B9D2: variants seen among roughly 807,000 people sequenced by gnomAD.
B9D2 encodes B9 domain-containing protein 2.
In B9D2, 21 loss-of-function variants were observed where a neutral mutation model predicts 19.2. That is an observed-to-expected ratio of 1.09 (90% confidence interval 0.78 to 1.58). B9D2 has a LOEUF of 1.58. Ranked by LOEUF, B9D2 falls within the 40% of genes most tolerant of loss-of-function variation. The pLI, the probability that B9D2 is intolerant of heterozygous loss-of-function variation, is 0.00. For synonymous variants in B9D2, 91 were observed against 100.6 expected (o/e 0.90, Z 0.57); for missense variants, 221 against 244.3 (o/e 0.90, Z 0.64).
intron 2 of B9D2, among the ~76,000 whole-genome samples, chr19:41,360,495 A>ATTTAT (rs760778539): frequency 1.3e-5 from 2 of 150,694 alleles, no homozygotes; most frequent in Admixed American, 6.6e-5. Flanking sequence ...TTATCTGTTT[A>ATTTAT]TTTATTTTAT....
intron 2 of B9D2, among the ~76,000 whole-genome samples, chr19:41,362,779 C>A (rs2038431941): frequency 6.6e-6 from 1 of 152,174 alleles, no homozygotes; most frequent in African/African-American, 2.4e-5. Context: ...TGCTTCTTAG[C>A]TACTATTAGC....
Position 41,354,738 on chromosome 19 carries a change from G to A in B9D2, c.490C>T (p.Leu164=). 1 of 1,614,024 alleles carries A rather than the reference G, an allele frequency of 6.2e-7. No homozygotes were observed. The highest frequency in any genetic ancestry group is 8.5e-7 in the Non-Finnish European group (1 of 1,180,036). The part of the protein sequence containing the change: ...GGTVHLEIGL[L]LRNFDRYGVE... Reference sequence around the variant, plus strand: ...CCGTAGCGGTCGAAGTTGCGGAGCAGCAGGCCGATCTCCAGGTGCACGGTG... The same window carrying A: ...CCGTAGCGGTCGAAGTTGCGGAGCAACAGGCCGATCTCCAGGTGCACGGTG... The change falls in exon 4 of 4, where the codon CTG becomes TTG. Residue 164 remains leucine, a synonymous_variant. Coordinates refer to ENST00000243578, the MANE Select transcript of B9D2 (RefSeq NM_030578.4).
intron 3 of B9D2, among the ~76,000 whole-genome samples, chr19:41,357,258 G>A (rs537112630): frequency 1.3e-5 from 2 of 152,226 alleles, no homozygotes; most frequent in East Asian, 3.9e-4. Flanking sequence ...AGAGAGGTGT[G>A]TCCCCCCATA....
intron 2 of B9D2, among the ~76,000 whole-genome samples, chr19:41,358,788 T>C (rs1469599785): frequency 6.6e-6 from 1 of 151,596 alleles, no homozygotes; most frequent in African/African-American, 2.4e-5. Context: ...GGTAGATCCC[T>C]TGAGTCCAGG....
Position 41,357,947 on chromosome 19 carries a change from G to C in B9D2, c.164C>G (p.Ala55Gly). The C allele has an allele frequency of 1.9e-6, 3 of 1,614,152 alleles. No homozygotes were observed. Among genetic ancestry groups the C allele is most frequent in the Non-Finnish European group, 2.5e-6 (3 of 1,180,018 alleles). The change falls in exon 3 of 4, where the codon GCT becomes GGT. Residue 55 changes from alanine to glycine, a missense_variant. Transcript: ENST00000243578. ...QVDTPQIGDM[A>G]YWSHPIDLHF... ...CAGGTCGATGGGGTGGGACCAGTAAGCCATGTCCCCTATCTGCGGGGTGTC... is the reference window on the plus strand; with the variant it reads ...CAGGTCGATGGGGTGGGACCAGTAACCCATGTCCCCTATCTGCGGGGTGTC...
Position 41,354,580 on chromosome 19 carries a change from T to C in B9D2, c.*120A>G. Reference sequence around the variant, plus strand: ...CCTAGAAAGGACAGAAGCGGTGCCATGCCTTAGCTGGGGTCAGCTCTGACA... The same window carrying C: ...CCTAGAAAGGACAGAAGCGGTGCCACGCCTTAGCTGGGGTCAGCTCTGACA... On this transcript the variant is annotated 3_prime_UTR_variant, in exon 4 of 4. Coordinates refer to ENST00000243578, the MANE Select transcript of B9D2 (RefSeq NM_030578.4). The C allele has an allele frequency of 1.5e-6, 2 of 1,338,548 alleles. No individual in the cohort carries two copies. The highest frequency in any genetic ancestry group is 1.2e-5 in the South Asian group (1 of 81,410). 82.9% of individuals were successfully genotyped at this position (1,338,548 alleles called of 1,614,324 possible).
chr19:41,359,099 C>G (rs1052047782), intron 2 of B9D2, among the ~76,000 whole-genome samples: 1 of 152,084 alleles, frequency 6.6e-6, no homozygotes, highest in African/African-American at 2.4e-5. Flanking sequence ...CACCACTGCA[C>G]TCCAGCTGGT....
intron 3 of B9D2, among the ~76,000 whole-genome samples, chr19:41,355,724 A>G (rs2038302552): frequency 6.6e-6 from 1 of 152,234 alleles, no homozygotes; most frequent in Non-Finnish European, 1.5e-5. Context: ...TGAAGCTGAT[A>G]TCCTAGACAA....
chr19:41,359,696 TC>T (rs775546055), intron 2 of B9D2, among the ~76,000 whole-genome samples: 11 of 150,186 alleles, frequency 7.3e-5, no homozygotes, highest in South Asian at 2.1e-4. Flanking sequence ...AGAGCGAAAT[TC>T]CATCTAAAAA....
chr19:41,358,629 G>T (rs2038353971), intron 2 of B9D2, among the ~76,000 whole-genome samples: 1 of 152,092 alleles, frequency 6.6e-6, no homozygotes, highest in Admixed American at 6.6e-5. Flanking sequence ...GGATTAAGAT[G>T]GGGCCAAGGG....
Position 41,363,963 on chromosome 19 carries a change from C to A in B9D2, c.-10G>T, listed in dbSNP as rs2038463617. 1.7e-5 allele frequency: 5 copies of A among 294,240 alleles called. No individual in the cohort carries two copies. The highest frequency in any genetic ancestry group is 1.4e-4 in the South Asian group (4 of 27,704). The allele number at this position is 294,240 out of a possible 1,614,324, so 18.2% of individuals were successfully genotyped here. A position where few individuals can be genotyped will look rare whatever the true frequency, so the allele number is the denominator to read the frequency against. ...AGCGCATGCGTCATTCCTACCTTAG[C>A]GCACTTAACGGTTAGGAGAGGAGAA... On this transcript the variant is annotated 5_prime_UTR_variant, in exon 1 of 4. Coordinates refer to ENST00000243578, the MANE Select transcript of B9D2 (RefSeq NM_030578.4).
At position 41,354,638 on chromosome 19, in the gene B9D2, C is replaced by T. The variant is rs762973859; in HGVS notation, c.*62G>A. Reference sequence around the variant, plus strand: ...GAGTCTGTGCTCTTGACCACTGTGCCATCCTCCCCCATCACTGGGTGTCCG... The same window carrying T: ...GAGTCTGTGCTCTTGACCACTGTGCTATCCTCCCCCATCACTGGGTGTCCG... On this transcript the variant is annotated 3_prime_UTR_variant, in exon 4 of 4. Transcript: ENST00000243578. The T allele has an allele frequency of 1.4e-5, 22 of 1,597,376 alleles. No homozygotes were observed. The highest frequency in any genetic ancestry group is 1.9e-5 in the Non-Finnish European group (22 of 1,166,280).
At chr19:41,363,655 G>C in intron 1 of B9D2, 132 bp from the exon 2 acceptor site, 1 of 809,186 alleles carries the variant, frequency 1.2e-6, no homozygotes, top group South Asian at 1.5e-5. Context: ...CACCCCTGAG[G>C]CTGAGGTCTT....
Position 41,355,053 on chromosome 19 carries a change from G to A in B9D2, c.215-40C>T, listed in dbSNP as rs1039675378. 6 of 1,505,134 alleles carry A rather than the reference G, an allele frequency of 4.0e-6. No individual in the cohort carries two copies. In the Admixed American group the frequency reaches 6.1e-5, roughly 15 times the overall value. 93.2% of individuals were successfully genotyped at this position (1,505,134 alleles called of 1,614,324 possible). A position where few individuals can be genotyped will look rare whatever the true frequency, so the allele number is the denominator to read the frequency against. ...AGAGAGGGGAAAGGAGGGATGGGTGGGGACCAGACTCCTGCTGATTCCCCA... is the reference window on the plus strand; with the variant it reads ...AGAGAGGGGAAAGGAGGGATGGGTGAGGACCAGACTCCTGCTGATTCCCCA... On this transcript the variant is annotated intron_variant, in intron 3 of 3. Coordinates refer to ENST00000243578, the MANE Select transcript of B9D2 (RefSeq NM_030578.4).
At chr19:41,362,481 T>C (rs2038426475) in intron 2 of B9D2, among the ~76,000 whole-genome samples, 1 of 147,574 alleles carries the variant, frequency 6.8e-6, no homozygotes, top group Admixed American at 6.7e-5. Flanking sequence ...CGCAACAACA[T>C]ACCCCAGGCT....
rs1018331242 is a variant in B9D2, at chr19:41,354,615, G to C, written c.*85C>G. The C allele has an allele frequency of 1.7e-5, 27 of 1,548,348 alleles. No homozygotes were observed. Among genetic ancestry groups the C allele is most frequent in the Middle Eastern group, 1.7e-4 (1 of 5,774 alleles). On this transcript the variant is annotated 3_prime_UTR_variant, in exon 4 of 4. Transcript: ENST00000243578. ...GGGGTCAGCTCTGACAGTCTCTAGA[G>C]TCTGTGCTCTTGACCACTGTGCCAT...
At chr19:41,355,772 A>C (rs1307483968) in intron 3 of B9D2, among the ~76,000 whole-genome samples, 1 of 152,180 alleles carries the variant, frequency 6.6e-6, no homozygotes, top group East Asian at 1.9e-4. Flanking sequence ...GGTAGATCAG[A>C]TGGTGGTAAT....
chr19:41,361,763 G>A (rs2038406290), intron 2 of B9D2, among the ~76,000 whole-genome samples: 1 of 59,990 alleles, frequency 1.7e-5, no homozygotes, highest in African/African-American at 7.0e-5. Flanking sequence ...ACTCTAGCTT[G>A]GCTACAGAGT....
At chr19:41,363,358 G>A (rs1406173225) in intron 2 of B9D2, 74 bp downstream of exon 2, 3 of 1,439,444 alleles carry the variant, frequency 2.1e-6, no homozygotes, top group Non-Finnish European at 2.9e-6. Flanking sequence ...TCTGCGTTAA[G>A]GGGTGGAGGA....
Sources: gnomAD v4.1 joint callset for allele counts (sites outside exome capture counted in the v4.1 genomes callset) on GRCh38, gnomAD v4.1.1 for gene constraint, MANE v1.5 for transcripts, NCBI Gene and HGNC (gene_info 2026-07-23, HGNC 2026-07-21) for gene names.